Variants in ANAPC11 observed in about 807,000 individuals in gnomAD.
ANAPC11 encodes the protein anaphase-promoting complex subunit 11.
Under a neutral mutation model 11.8 loss-of-function variants are expected in ANAPC11, and 5 were observed. The ratio of observed to expected loss-of-function variants is 0.42; its 90% CI spans 0.22 to 0.89. The LOEUF (loss-of-function observed/expected upper bound fraction) is 0.89. Among genes scored for constraint, ANAPC11 ranks in the 40% least tolerant of loss-of-function variants. The pLI, the probability that ANAPC11 is intolerant of heterozygous loss-of-function variation, is 0.28. For missense variants in ANAPC11, 68 were observed against 112.9 expected (o/e 0.60, Z 1.80); for synonymous variants, 45 against 41.0 (o/e 1.10, Z -0.38).
intron 3 of ANAPC11, among the ~76,000 whole-genome samples, chr17:81,897,414 G>A (rs2039783450): frequency 6.6e-6 from 1 of 152,138 alleles, no homozygotes; most frequent in Non-Finnish European, 1.5e-5. Context: ...GATTACAGGT[G>A]TGAGCCACTG....
intron 2 of ANAPC11, among the ~76,000 whole-genome samples, chr17:81,893,827 G>A (rs894474101): frequency 6.9e-6 from 1 of 144,330 alleles, no homozygotes; most frequent in African/African-American, 2.6e-5. Context: ...AAACTCCTGA[G>A]CTCAGGCGAT....
At chr17:81,898,018 G>T (rs1033777230) in intron 3 of ANAPC11, 1 of 152,226 alleles carries the variant, frequency 6.6e-6, no homozygotes, top group African/African-American at 2.4e-5. Context: ...AACGGGTAGG[G>T]TGTAATCTTA....
At chr17:81,891,654 T>C, upstream of ANAPC11, 1 of 1,254,012 alleles carries the variant, frequency 8.0e-7, no homozygotes. Flanking sequence ...TGCCACGGCC[T>C]CGGAGCGGCT....
intron 3 of ANAPC11, chr17:81,898,632 CAG>C (rs1477704621): frequency 6.6e-6 from 1 of 152,544 alleles, no homozygotes; most frequent in Non-Finnish European, 1.5e-5. Flanking sequence ...GTGAAAAATT[CAG>C]AGTGACTAAG....
At chr17:81,891,699 G>A (rs935116498), upstream of ANAPC11, 13 of 997,694 alleles carry the variant, frequency 1.3e-5, no homozygotes, top group Admixed American at 1.7e-4. Context: ...TGCGCGCGCG[G>A]GACGGGGTGA....
upstream of ANAPC11, chr17:81,891,554 G>C (rs1400190720): frequency 1.0e-5 from 15 of 1,435,262 alleles, no homozygotes; most frequent in South Asian, 1.3e-5. Context: ...CCATTTTGTC[G>C]GCCATGGCGG....
At chr17:81,899,482 A>C in intron 3 of ANAPC11, 1 of 1,613,960 alleles carries the variant, frequency 6.2e-7, no homozygotes, top group Middle Eastern at 1.7e-4. Flanking sequence ...TGCCTTGACC[A>C]TTCATGTGAC....
rs552735914 is a variant in ANAPC11 at position 81,897,004 on chromosome 17, TA to T, written c.109+2419del. 5.0e-3 allele frequency among the ~76,000 whole-genome samples: 760 copies of T among 151,266 alleles called. 3 individuals carry two copies. Among genetic ancestry groups the T allele is most frequent in the Admixed American group, 0.011 (166 of 15,210 alleles). ...AATTTGTTGTATTTTTATTTTTATT[TA>T]TTTATTTATTTTCGAGACAGAGTCT... On this transcript the variant is annotated intron_variant, in intron 3 of 3. Coordinates refer to ENST00000344877, the MANE Select transcript of ANAPC11 (RefSeq NM_001002248.3).
chr17:81,891,824 G>C lies in ANAPC11; in HGVS notation c.-92G>C, dbSNP rs11550403. The C allele has an allele frequency of 1.8e-5, 4 of 228,108 alleles. No homozygotes were observed. In the East Asian group the frequency reaches 4.8e-4, roughly 27 times the overall value. The allele number at this position is 228,108 out of a possible 1,614,324, so 14.1% of individuals were successfully genotyped here. The stretch of plus-strand genomic sequence containing the variant: ...CCGCGCGGACGCCGGCGCTGCCAAC[G>C]GAAGGGCGGGTAGGGCGGTGCGTGA... On this transcript the variant is annotated 5_prime_UTR_variant, in exon 1 of 4. Coordinates refer to ENST00000344877, the MANE Select transcript of ANAPC11 (RefSeq NM_001002248.3).
chr17:81,895,705 C>T (rs571808106), intron 3 of ANAPC11, among the ~76,000 whole-genome samples: 1 of 152,256 alleles, frequency 6.6e-6, no homozygotes, highest in East Asian at 1.9e-4. Flanking sequence ...TGTGGTGGCC[C>T]ACACTTGTCA....
chr17:81,891,389 G>C, upstream of ANAPC11: 1 of 1,108,780 alleles, frequency 9.0e-7, no homozygotes, highest in Non-Finnish European at 1.1e-6. Context: ...TGGCCGGCCG[G>C]TTCCGGATGG....
At chr17:81,898,967 A>G in intron 3 of ANAPC11, 1 of 533,032 alleles carries the variant, frequency 1.9e-6, no homozygotes, top group Non-Finnish European at 3.4e-6. Flanking sequence ...GAAAGGGCCG[A>G]TATCAAGCAG....
chr17:81,891,718 G>C (rs1056393693), upstream of ANAPC11: 1 of 789,178 alleles, frequency 1.3e-6, no homozygotes, highest in African/African-American at 1.9e-5. Context: ...GAGGCGGGGA[G>C]GCGCGTGCGC....
rs376066902 is a variant in ANAPC11 at position 81,899,869 on chromosome 17, T to G, written c.110-51T>G. On this transcript the variant is annotated intron_variant, in intron 3 of 3. Coordinates refer to ENST00000344877, the MANE Select transcript of ANAPC11 (RefSeq NM_001002248.3). ...CACCCCTGCCTGGCTTGTCACATGC[T>G]CTGTGTCCAGCCTGGTCATGCCTGT... 3 of 1,563,216 alleles carry G rather than the reference T, an allele frequency of 1.9e-6. No homozygotes were observed. The South Asian group carries it at 3.5e-5, about 18-fold the overall frequency.
intron 3 of ANAPC11, chr17:81,899,611 C>A: frequency 6.6e-7 from 1 of 1,518,444 alleles, no homozygotes; most frequent in Non-Finnish European, 8.9e-7. Flanking sequence ...CAGAGCGCCA[C>A]CTCCTCAGAG....
chr17:81,891,453 C>T (rs969325896), upstream of ANAPC11: 19 of 1,041,204 alleles, frequency 1.8e-5, no homozygotes, highest in African/African-American at 2.6e-4. Flanking sequence ...GCCGCGGCCG[C>T]CCTGGGAGCC....
intron 3 of ANAPC11, among the ~76,000 whole-genome samples, chr17:81,895,343 G>C (rs1240059424): frequency 6.6e-6 from 1 of 151,440 alleles, no homozygotes; most frequent in Non-Finnish European, 1.5e-5. Context: ...GAACCACCGT[G>C]CCCCCCCCAA....
upstream of ANAPC11, chr17:81,890,847 G>A (rs776042608): frequency 1.1e-5 from 17 of 1,613,910 alleles, no homozygotes; most frequent in Admixed American, 3.3e-5. Flanking sequence ...AACAAGAGCA[G>A]ATCTGTGAGT....
At chr17:81,894,254 A>G (rs1385155506) in intron 2 of ANAPC11, 1 of 350,924 alleles carries the variant, frequency 2.8e-6, no homozygotes, top group Non-Finnish European at 5.0e-6. Context: ...CTCAAAAAAA[A>G]AAAATTAATA....
Sources: allele counts gnomAD v4.1 joint callset (sites outside exome capture counted in the v4.1 genomes callset), GRCh38; gene constraint gnomAD v4.1.1; transcripts MANE v1.5; gene names NCBI Gene and HGNC (gene_info 2026-07-23, HGNC 2026-07-21).